GMDS: variants seen among roughly 807,000 people sequenced by gnomAD.
GMDS encodes GDP-mannose 4,6 dehydratase.
Under a neutral mutation model 49.9 loss-of-function variants are expected in GMDS, and 20 were observed. The ratio of observed to expected loss-of-function variants is 0.40; its 90% CI spans 0.28 to 0.58. GMDS has a LOEUF of 0.58. GMDS is among the 20% of genes least tolerant of loss of function. The probability of loss-of-function intolerance (pLI) is 0.42; values close to 1 mark genes in which losing one functional copy is unlikely to be tolerated. For missense variants in GMDS, 362 were observed against 481.4 expected (o/e 0.75, Z 2.32); for synonymous variants, 177 against 178.6 (o/e 0.99, Z 0.07).
At chr6:1,904,418 C>T (rs1255700512) in intron 7 of GMDS, among the ~76,000 whole-genome samples, 1 of 152,304 alleles carries the variant, frequency 6.6e-6, no homozygotes, top group South Asian at 2.1e-4. Flanking sequence ...CTGCCCCCTC[C>T]TCGGCAACAC....
chr6:2,042,026 G>C (rs1018343133), intron 4 of GMDS, among the ~76,000 whole-genome samples: 3 of 152,106 alleles, frequency 2.0e-5, no homozygotes, highest in Non-Finnish European at 4.4e-5. Flanking sequence ...TAAAATTTGG[G>C]TCAAACGCCC....
At chr6:1,683,543 C>G (rs2113314486) in intron 9 of GMDS, among the ~76,000 whole-genome samples, 1 of 152,350 alleles carries the variant, frequency 6.6e-6, no homozygotes, top group South Asian at 2.1e-4. Flanking sequence ...AATCCCGGGT[C>G]TGATGCACCA....
intron 7 of GMDS, among the ~76,000 whole-genome samples, chr6:1,743,394 T>A (rs367921824): frequency 1.2e-3 from 59 of 51,096 alleles, no homozygotes; most frequent in African/African-American, 2.9e-3. Flanking sequence ...ACAAAAAAAA[T>A]TAGCCGGGCG....
In GMDS at chr6:2,099,208, T is replaced by C. The variant is rs115362589; in HGVS notation, c.345+16563A>G. Among the ~76,000 whole-genome samples the C allele has an allele frequency of 6.0e-3, 917 of 152,260 alleles. 6 individuals are homozygous for C. The highest frequency in any genetic ancestry group is 0.01 in the Non-Finnish European group (696 of 67,966). ...TACAAATCAAATATGTGTTTTAAAC[T>C]TAACTACTTCTCCAAACAGCTACTT... On this transcript the variant is annotated intron_variant, in intron 4 of 10. Transcript: ENST00000380815.
chr6:2,244,380 T>C (rs1323723068), intron 1 of GMDS, among the ~76,000 whole-genome samples: 5 of 152,112 alleles, frequency 3.3e-5, no homozygotes, highest in African/African-American at 9.7e-5. Flanking sequence ...ACACAATATG[T>C]ATTAGCCATT....
chr6:2,239,089 G>A (rs1781496545), intron 1 of GMDS, among the ~76,000 whole-genome samples: 1 of 152,078 alleles, frequency 6.6e-6, no homozygotes, highest in Non-Finnish European at 1.5e-5. Flanking sequence ...AGCACTTTGG[G>A]AGGCCAAGGT....
chr6:1,855,009 T>A (rs1278223131), intron 7 of GMDS, among the ~76,000 whole-genome samples: 1 of 152,264 alleles, frequency 6.6e-6, no homozygotes, highest in East Asian at 1.9e-4. Context: ...AGAAAAAAAA[T>A]AAAAGTTCCT....
intron 9 of GMDS, among the ~76,000 whole-genome samples, chr6:1,705,537 T>C (rs1165196023): frequency 6.6e-6 from 1 of 152,128 alleles, no homozygotes. Flanking sequence ...TTACAGTAAG[T>C]GATAAGAAGA....
At chr6:2,212,662 T>A (rs1780117820) in intron 1 of GMDS, among the ~76,000 whole-genome samples, 1 of 151,050 alleles carries the variant, frequency 6.6e-6, no homozygotes, top group Admixed American at 6.6e-5. Context: ...ACCTGCTTTC[T>A]TTAATTATCA....
At chr6:2,144,676 C>A (rs1776465275) in intron 1 of GMDS, among the ~76,000 whole-genome samples, 1 of 152,190 alleles carries the variant, frequency 6.6e-6, no homozygotes, top group African/African-American at 2.4e-5. Context: ...ACTGGCTAGA[C>A]CTGCAAGGGC....
chr6:1,717,330 G>GT (rs1401583792), intron 9 of GMDS, among the ~76,000 whole-genome samples: 1 of 152,210 alleles, frequency 6.6e-6, no homozygotes, highest in East Asian at 1.9e-4. Context: ...ACAAAGATGG[G>GT]TTTTTGCAGA....
At chr6:2,110,064 C>T (rs1387460056) in intron 4 of GMDS, among the ~76,000 whole-genome samples, 1 of 152,164 alleles carries the variant, frequency 6.6e-6, no homozygotes, top group East Asian at 1.9e-4. Flanking sequence ...TTTTAATAGG[C>T]TACCCCCTAT....
intron 4 of GMDS, among the ~76,000 whole-genome samples, chr6:2,098,075 T>G (rs1436219164): frequency 2.0e-5 from 3 of 152,098 alleles, no homozygotes; most frequent in Non-Finnish European, 4.4e-5. Flanking sequence ...ATTATTTTTT[T>G]GAGACGAAAT....
At chr6:1,776,960 C>A (rs1037454799) in intron 7 of GMDS, among the ~76,000 whole-genome samples, 1 of 152,178 alleles carries the variant, frequency 6.6e-6, no homozygotes, top group African/African-American at 2.4e-5. Flanking sequence ...ACAACAAGAG[C>A]ATCTGTAGGT....
At chr6:2,021,791 A>G (rs943850984) in intron 4 of GMDS, among the ~76,000 whole-genome samples, 15 of 152,134 alleles carry the variant, frequency 9.9e-5, no homozygotes, top group African/African-American at 3.6e-4. Context: ...CTGGGCTCCA[A>G]TCGCTCTGTA....
chr6:2,008,402 C>G (rs932769170), intron 4 of GMDS, among the ~76,000 whole-genome samples: 1 of 152,114 alleles, frequency 6.6e-6, no homozygotes, highest in Non-Finnish European at 1.5e-5. Context: ...TCTTCACTGA[C>G]TGTGGAGTTA....
intron 1 of GMDS, among the ~76,000 whole-genome samples, chr6:2,209,654 T>A (rs1344080387): frequency 6.6e-6 from 1 of 152,092 alleles, no homozygotes; most frequent in Non-Finnish European, 1.5e-5. Flanking sequence ...AACTTCTGCT[T>A]ATTTTACCTA....
intron 1 of GMDS, among the ~76,000 whole-genome samples, chr6:2,202,568 T>A (rs913616649): frequency 6.6e-6 from 1 of 151,906 alleles, no homozygotes; most frequent in African/African-American, 2.4e-5. Context: ...GACAGGCTGA[T>A]GGAAGAGAAT....
intron 7 of GMDS, among the ~76,000 whole-genome samples, chr6:1,913,962 A>G (rs1761215825): frequency 6.6e-6 from 1 of 152,264 alleles, no homozygotes; most frequent in African/African-American, 2.4e-5. Context: ...TACGGGGGGA[A>G]AGGAAAAAAT....
Sources: allele counts gnomAD v4.1 joint callset (sites outside exome capture counted in the v4.1 genomes callset), GRCh38; gene constraint gnomAD v4.1.1; transcripts MANE v1.5; gene names NCBI Gene and HGNC (gene_info 2026-07-23, HGNC 2026-07-21).